The following FHL1 variants were observed in gnomAD, a reference collection of about 807,000 sequenced individuals.
The protein encoded by FHL1 is four and a half LIM domains protein 1.
FHL1 carries 1 observed loss-of-function variant against 20.3 expected under a neutral mutation model. The observed-to-expected ratio is 0.05, with a 90% CI of 0.02 to 0.23. The LOEUF (loss-of-function observed/expected upper bound fraction) is 0.23. Among genes scored for constraint, FHL1 ranks in the 10% least tolerant of loss-of-function variants. The pLI, the probability that FHL1 is intolerant of heterozygous loss-of-function variation, is 1.00. For synonymous variants in FHL1, 82 were observed against 88.9 expected, an observed-to-expected ratio of 0.92 and a Z score of 0.44; for missense variants, 177 against 234.0, an observed-to-expected ratio of 0.76 and a Z score of 1.59.
intron 2 of FHL1, among the ~76,000 whole-genome samples, chrX:136,177,396 C>T (rs2073035345): frequency 8.9e-6 from 1 of 111,738 alleles, no homozygotes; most frequent in South Asian, 3.8e-4. Flanking sequence ...GAAATGAGGA[C>T]ATAGATATCT....
intron 2 of FHL1, among the ~76,000 whole-genome samples, chrX:136,184,871 A>G (rs1196359945): frequency 2.7e-5 from 3 of 112,064 alleles, no homozygotes; most frequent in Non-Finnish European, 5.6e-5. Flanking sequence ...CATTCCTAAA[A>G]CAATTCAATA....
intron 1 of FHL1, among the ~76,000 whole-genome samples, chrX:136,152,064 C>T (rs1387868816): frequency 1.8e-5 from 2 of 111,861 alleles, no homozygotes; most frequent in African/African-American, 6.5e-5. Context: ...ATTGGGCTTG[C>T]CTGAGAGTAA....
chrX:136,189,698 A>C (rs1452645455), intron 2 of FHL1, among the ~76,000 whole-genome samples: 1 of 111,793 alleles, frequency 8.9e-6, no homozygotes, highest in Non-Finnish European at 1.9e-5. Flanking sequence ...CAGATGGGCA[A>C]ATTTAGTCAC....
At chrX:136,175,498 A>G (rs2072978784) in intron 2 of FHL1, among the ~76,000 whole-genome samples, 1 of 112,504 alleles carries the variant, frequency 8.9e-6, no homozygotes, top group Non-Finnish European at 1.9e-5. Context: ...TTATTCTAAG[A>G]AAAGAAAAAA....
chrX:136,157,532 G>A (rs1036741391), intron 1 of FHL1, among the ~76,000 whole-genome samples: 2 of 111,520 alleles, frequency 1.8e-5, no homozygotes, highest in East Asian at 5.6e-4. Flanking sequence ...AGTTTAGACA[G>A]ATGTATATAC....
chrX:136,203,151 TTAAG>T lies in FHL1; in HGVS notation c.23-3253_23-3250del, dbSNP rs775945761. On this transcript the variant is annotated intron_variant, in intron 1 of 5. Transcript: ENST00000370683. Reference sequence around the variant, plus strand: ...TTGACATAGACATTGTTAACATACTTTAAGTATTTCTAGCCTGTTTACTTATTAT... The same window carrying T: ...TTGACATAGACATTGTTAACATACTTTATTTCTAGCCTGTTTACTTATTAT... Among the ~76,000 whole-genome samples the T allele has an allele frequency of 9.6e-3, 1,074 of 112,362 alleles. 11 individuals are homozygous for T. The highest frequency in any genetic ancestry group is 0.033 in the African/African-American group (1,017 of 30,629).
At chrX:136,207,738 T>C in intron 3 of FHL1, 54 bp from the exon 4 acceptor site, 1 of 1,179,192 alleles carries the variant, frequency 8.5e-7, no homozygotes, top group Non-Finnish European at 1.2e-6. Flanking sequence ...GCTGAGTGGA[T>C]GCAGCCCCCT....
chrX:136,202,228 G>C (rs1485189839), intron 1 of FHL1, among the ~76,000 whole-genome samples: 3 of 111,067 alleles, frequency 2.7e-5, no homozygotes, highest in African/African-American at 9.8e-5. Context: ...AGCCAGGCGT[G>C]GTGGCATTCA....
At chrX:136,194,963 G>A (rs1272058006), upstream of FHL1, among the ~76,000 whole-genome samples, 2 of 111,509 alleles carry the variant, frequency 1.8e-5, 1 homozygote, top group African/African-American at 6.5e-5. Context: ...TGATGCAAAT[G>A]GAAGTAACTG....
Position 136,210,887 on chromosome X carries a change from C to T in FHL1, c.*862C>T, listed in dbSNP as rs1378059635. 2.6e-6 allele frequency: 1 copy of T among 384,691 alleles called. No homozygotes were observed. The highest frequency in any genetic ancestry group is 4.9e-6 in the Non-Finnish European group (1 of 203,971). The allele number at this position is 384,691 out of a possible 1,213,427, so 31.7% of individuals were successfully genotyped here. A position where few individuals can be genotyped will look rare whatever the true frequency, so the allele number is the denominator to read the frequency against. ...AACTTGCATGAAAATATTTTAGCCC[C>T]CTCAGATGTTCCTGCAGTGCTGAAA... On this transcript the variant is annotated 3_prime_UTR_variant, in exon 6 of 6. Coordinates refer to ENST00000370683, the MANE Select transcript of FHL1 (RefSeq NM_001159699.2).
intron 1 of FHL1, among the ~76,000 whole-genome samples, chrX:136,164,426 C>T (rs1026879308): frequency 2.7e-5 from 3 of 110,745 alleles, no homozygotes; most frequent in South Asian, 7.8e-4. Context: ...AGGCTGGTCT[C>T]GACCTCCCAA....
chrX:136,166,711 C>T (rs2072719603), upstream of FHL1, among the ~76,000 whole-genome samples: 2 of 112,343 alleles, frequency 1.8e-5, no homozygotes, highest in Admixed American at 9.5e-5. Flanking sequence ...TAGTGTGTGA[C>T]AGATTCAGGT....
At chrX:136,193,484 T>G (rs892127262), upstream of FHL1, among the ~76,000 whole-genome samples, 1 of 111,915 alleles carries the variant, frequency 8.9e-6, no homozygotes, top group Non-Finnish European at 1.9e-5. Flanking sequence ...CCTTGATAAC[T>G]GGGATCCCAT....
intron 2 of FHL1, among the ~76,000 whole-genome samples, chrX:136,171,367 C>T (rs1388492886): frequency 1.8e-5 from 2 of 112,048 alleles, no homozygotes; most frequent in Non-Finnish European, 3.8e-5. Flanking sequence ...GACTCTCTGT[C>T]ACCCTCCTCT....
chrX:136,209,600 G>C (rs1264220357), intron 5 of FHL1, among the ~76,000 whole-genome samples: 2 of 110,528 alleles, frequency 1.8e-5, no homozygotes, highest in Non-Finnish European at 1.9e-5. Context: ...CTTTACATCA[G>C]GGAAGCCCTT....
In FHL1 at chrX:136,210,842, A is replaced by G. The variant is rs1385068943; in HGVS notation, c.*817A>G. ...AATATTTTTGTTTTAATTGATAGCA[A>G]AATAGTTTATGGGTTTGGAAACTTG... On this transcript the variant is annotated 3_prime_UTR_variant, in exon 6 of 6. Transcript: ENST00000370683. The G allele has an allele frequency of 2.9e-5, 11 of 384,365 alleles. No homozygotes were observed. The highest frequency in any genetic ancestry group is 2.6e-4 in the South Asian group (10 of 38,644). 31.7% of individuals were successfully genotyped at this position (384,365 alleles called of 1,213,427 possible).
rs187079120 is a variant in FHL1, at chrX:136,190,491, C to T, written c.-26-15916C>T. 5.4e-5 allele frequency among the ~76,000 whole-genome samples: 6 copies of T among 111,672 alleles called. No homozygotes were observed. The South Asian group carries it at 1.5e-3, about 29-fold the overall frequency. On this transcript the variant is annotated intron_variant, in intron 2 of 6. Transcript: ENST00000394153. ...GGGTTTAATTGAGCAAAGAACGATT[C>T]GCGAATCAGGCGGCCTCTCGAACCA...
chrX:136,173,667 G>A (rs958485257), intron 2 of FHL1, among the ~76,000 whole-genome samples: 2 of 110,417 alleles, frequency 1.8e-5, no homozygotes, highest in Non-Finnish European at 3.8e-5. Flanking sequence ...GCTACACTAG[G>A]CTGGAGCCAA....
intron 2 of FHL1, chrX:136,182,628 C>T (rs907824634): frequency 8.9e-6 from 1 of 111,931 alleles, no homozygotes; most frequent in Non-Finnish European, 1.9e-5. Flanking sequence ...TCTTCACTAG[C>T]ACTCTTGAGT....
Sources: allele counts gnomAD v4.1 joint callset (sites outside exome capture counted in the v4.1 genomes callset), GRCh38; gene constraint gnomAD v4.1.1; transcripts MANE v1.5; gene names NCBI Gene and HGNC (gene_info 2026-07-23, HGNC 2026-07-21).